LRRC69: variants seen among roughly 807,000 people sequenced by gnomAD.
LRRC69 encodes the protein leucine rich repeat containing 69, also known as leucine-rich repeat-containing protein 69.
LRRC69 carries 42 observed loss-of-function variants against 37.8 expected under a neutral mutation model. The ratio of observed to expected loss-of-function variants is 1.11; its 90% CI spans 0.87 to 1.44. The LOEUF is 1.44. Ranked by LOEUF, LRRC69 falls within the 40% of genes most tolerant of loss-of-function variation. LRRC69 has a pLI of 0.00. For synonymous variants in LRRC69, 141 were observed against 143.1 expected (o/e 0.99, Z 0.11); for missense variants, 357 against 401.9 (o/e 0.89, Z 0.96).
At chr8:91,177,026 A>G (rs947686002) in intron 5 of LRRC69, among the ~76,000 whole-genome samples, 11 of 152,194 alleles carry the variant, frequency 7.2e-5, no homozygotes, top group African/African-American at 2.7e-4. Flanking sequence ...CTGTGTGGTC[A>G]TTTTATTAAA....
chr8:91,175,534 G>A (rs1402900220), intron 5 of LRRC69, among the ~76,000 whole-genome samples: 2 of 151,952 alleles, frequency 1.3e-5, no homozygotes, highest in East Asian at 1.9e-4. Context: ...ACCCTTTTGC[G>A]GCTAGGTGAT....
chr8:91,216,093 T>C (rs1276840383), intron 7 of LRRC69, among the ~76,000 whole-genome samples: 5 of 152,168 alleles, frequency 3.3e-5, no homozygotes, highest in Non-Finnish European at 7.4e-5. Flanking sequence ...AAATATTGTA[T>C]AAGAAATAGA....
At chr8:91,110,876 G>A (rs987076260) in intron 1 of LRRC69, among the ~76,000 whole-genome samples, 1 of 152,142 alleles carries the variant, frequency 6.6e-6, no homozygotes, top group East Asian at 1.9e-4. Flanking sequence ...AAAGCATGCA[G>A]CTCATTAGAA....
At chr8:91,181,234 A>T (rs978331943) in intron 5 of LRRC69, among the ~76,000 whole-genome samples, 1 of 152,218 alleles carries the variant, frequency 6.6e-6, no homozygotes, top group Non-Finnish European at 1.5e-5. Flanking sequence ...TGTATAAAAG[A>T]TTTAGAAATA....
chr8:91,198,204 A>G (rs1031075398), intron 6 of LRRC69, among the ~76,000 whole-genome samples: 2 of 152,194 alleles, frequency 1.3e-5, no homozygotes, highest in African/African-American at 4.8e-5. Flanking sequence ...AATATACTGC[A>G]TTAGTAGATG....
chr8:91,117,515 T>C (rs898725367), intron 1 of LRRC69, among the ~76,000 whole-genome samples: 14 of 150,534 alleles, frequency 9.3e-5, no homozygotes, highest in Non-Finnish European at 1.8e-4. Flanking sequence ...GAATTTAGAG[T>C]GATCCACTGG....
chr8:91,163,039 T>C (rs76507636), intron 5 of LRRC69, among the ~76,000 whole-genome samples: 150 of 151,506 alleles, frequency 9.9e-4, no homozygotes, highest in Non-Finnish European at 1.7e-3. Flanking sequence ...TTGGCTTTTA[T>C]TTTCCAGATC....
rs191521024 is a variant in LRRC69 at position 91,169,594 on chromosome 8, A to C, written c.652-19928A>C. 1.3e-3 allele frequency among the ~76,000 whole-genome samples: 197 copies of C among 150,392 alleles called. 2 individuals are homozygous for C. Among genetic ancestry groups the C allele is most frequent in the African/African-American group, 4.7e-3 (192 of 40,696 alleles). On this transcript the variant is annotated intron_variant, in intron 5 of 7. Transcript: ENST00000448384. ...GTGCAGCTTAGTTACATATGTATAC[A>C]TGTGCCATGCTGGTGCGCTGCACCC...
chr8:91,177,850 C>CTTTTTTT (rs10645044), intron 5 of LRRC69, among the ~76,000 whole-genome samples: 1 of 130,842 alleles, frequency 7.6e-6, no homozygotes, highest in Non-Finnish European at 1.6e-5. Context: ...TTCTGCTTTT[C>CTTTTTTT]TTTTTTTTTT....
intron 5 of LRRC69, among the ~76,000 whole-genome samples, chr8:91,183,354 G>T (rs1195919821): frequency 2.0e-5 from 3 of 152,188 alleles, no homozygotes; most frequent in Non-Finnish European, 2.9e-5. Flanking sequence ...TCGGTCTAAG[G>T]TAGTGGCAGG....
At chr8:91,105,620 C>T (rs1478616966) in intron 1 of LRRC69, among the ~76,000 whole-genome samples, 1 of 149,602 alleles carries the variant, frequency 6.7e-6, no homozygotes, top group African/African-American at 2.5e-5. Flanking sequence ...TGAGATTGCA[C>T]CACTGCACTC....
chr8:91,126,622 T>C (rs1813719651), intron 2 of LRRC69, among the ~76,000 whole-genome samples: 1 of 151,998 alleles, frequency 6.6e-6, no homozygotes, highest in African/African-American at 2.4e-5. Context: ...AGCTCTGTCT[T>C]CCCTGTCAAT....
At chr8:91,149,400 T>A (rs569423522) in intron 5 of LRRC69, among the ~76,000 whole-genome samples, 1 of 152,118 alleles carries the variant, frequency 6.6e-6, no homozygotes, top group Non-Finnish European at 1.5e-5. Context: ...GTTGTACATA[T>A]GCGGCATTAT....
chr8:91,164,051 G>A (rs758432718), intron 5 of LRRC69, among the ~76,000 whole-genome samples: 4 of 151,350 alleles, frequency 2.6e-5, no homozygotes, highest in African/African-American at 4.8e-5. Context: ...GAGAGTATGA[G>A]GCAAGGCAAT....
At chr8:91,200,721 A>G in exon 7 of LRRC69, 1 of 1,538,530 alleles carries the variant, frequency 6.5e-7, no homozygotes. Flanking sequence ...TCAGGGAAAA[A>G]CATGTGCAAT....
In LRRC69 at chr8:91,148,595, A is replaced by C. The variant is rs370209304; in HGVS notation, c.651+12856A>C. Among the ~76,000 whole-genome samples the C allele has an allele frequency of 1.6e-4, 25 of 151,772 alleles. 1 individual carries two copies. The highest frequency in any genetic ancestry group is 1.3e-3 in the Admixed American group (19 of 15,184). The stretch of plus-strand genomic sequence containing the variant: ...TGATTTATAATCCTTTGGGTATATA[A>C]CCAGTAATGGGATGGCTGGGTCAAA... On this transcript the variant is annotated intron_variant, in intron 5 of 7. Transcript: ENST00000448384.
intron 1 of LRRC69, among the ~76,000 whole-genome samples, chr8:91,116,480 A>G (rs1381916311): frequency 6.6e-6 from 1 of 151,840 alleles, no homozygotes; most frequent in Non-Finnish European, 1.5e-5. Context: ...AATTTCATGT[A>G]TTGTATTCCA....
intron 5 of LRRC69, among the ~76,000 whole-genome samples, chr8:91,150,342 T>A (rs1808709758): frequency 6.6e-6 from 1 of 151,982 alleles, no homozygotes; most frequent in African/African-American, 2.4e-5. Flanking sequence ...ATTGAGATAA[T>A]CATGTGGTTT....
chr8:91,113,467 G>A (rs983545399), intron 1 of LRRC69, among the ~76,000 whole-genome samples: 9 of 152,124 alleles, frequency 5.9e-5, no homozygotes, highest in African/African-American at 2.2e-4. Context: ...ATTGGGGAAA[G>A]GATAGTGTCT....
Sources: gnomAD v4.1 joint callset for allele counts (sites outside exome capture counted in the v4.1 genomes callset) on GRCh38, gnomAD v4.1.1 for gene constraint, MANE v1.5 for transcripts, NCBI Gene and HGNC (gene_info 2026-07-23, HGNC 2026-07-21) for gene names.